DACH1: variants seen among roughly 807,000 people sequenced by gnomAD.
The protein encoded by DACH1 is dachshund family transcription factor 1, also known as dachshund homolog 1.
DACH1 carries 12 observed loss-of-function variants against 54.2 expected under a neutral mutation model. The observed-to-expected ratio is 0.22, with a 90% CI of 0.14 to 0.36. DACH1 has a LOEUF of 0.36. Among genes scored for constraint, DACH1 ranks in the 10% least tolerant of loss-of-function variants. DACH1 has a pLI of 1.00. For missense variants in DACH1, 805 were observed against 929.8 expected (o/e 0.87, Z 1.75); for synonymous variants, 386 against 366.2 (o/e 1.05, Z -0.62).
At chr13:71,483,082 G>A (rs1297125259) in intron 7 of DACH1, among the ~76,000 whole-genome samples, 2 of 151,890 alleles carry the variant, frequency 1.3e-5, no homozygotes, top group South Asian at 2.1e-4. Context: ...GGATTACAGC[G>A]TGAGACATGG....
intron 1 of DACH1, among the ~76,000 whole-genome samples, chr13:71,691,370 T>C (rs1881468667): frequency 6.6e-6 from 1 of 152,202 alleles, no homozygotes; most frequent in African/African-American, 2.4e-5. Context: ...AAATTCACTA[T>C]GTGATCTAAC....
chr13:71,590,212 A>C (rs1172958460), intron 3 of DACH1, among the ~76,000 whole-genome samples: 2 of 152,144 alleles, frequency 1.3e-5, no homozygotes, highest in Non-Finnish European at 2.9e-5. Context: ...ATATAAGCTC[A>C]CAAAAAATCA....
intron 1 of DACH1, among the ~76,000 whole-genome samples, chr13:71,765,118 G>A (rs558172492): frequency 6.6e-6 from 1 of 152,088 alleles, no homozygotes; most frequent in Non-Finnish European, 1.5e-5. Flanking sequence ...ACCAGCCCCT[G>A]ATTATTCTAC....
Position 71,460,151 on chromosome 13 carries a change from A to G in DACH1, c.2083+14990T>C, listed in dbSNP as rs115938944. On this transcript the variant is annotated intron_variant, in intron 10 of 10. Coordinates refer to ENST00000613252, the MANE Select transcript of DACH1 (RefSeq NM_080759.6). ...ATCCAAGTAGGCAATTACCTACCAA[A>G]CTAAATATTTACACATTAGTTTAGA... is the stretch of plus-strand genomic sequence containing the variant. Among the ~76,000 whole-genome samples, 1,292 of 152,190 alleles carry G rather than the reference A, an allele frequency of 8.5e-3. 23 individuals carry two copies. Among genetic ancestry groups the G allele is most frequent in the African/African-American group, 0.028 (1,180 of 41,556 alleles).
At chr13:71,810,089 C>A (rs886064450) in intron 1 of DACH1, among the ~76,000 whole-genome samples, 7 of 152,106 alleles carry the variant, frequency 4.6e-5, no homozygotes, top group Non-Finnish European at 8.8e-5. Flanking sequence ...ACCAATGTTA[C>A]CAATTTCACA....
At chr13:71,762,045 T>G (rs1157336677) in intron 1 of DACH1, among the ~76,000 whole-genome samples, 1 of 152,160 alleles carries the variant, frequency 6.6e-6, no homozygotes, top group Non-Finnish European at 1.5e-5. Context: ...ATTTTTTTCC[T>G]CACTACAACC....
At chr13:71,541,815 T>C (rs1486976710) in intron 6 of DACH1, among the ~76,000 whole-genome samples, 1 of 152,052 alleles carries the variant, frequency 6.6e-6, no homozygotes, top group Non-Finnish European at 1.5e-5. Flanking sequence ...GTTCTAAAAA[T>C]GAGTTGCAGT....
intron 10 of DACH1, among the ~76,000 whole-genome samples, chr13:71,456,293 T>C (rs1209658317): frequency 2.0e-5 from 3 of 152,092 alleles, no homozygotes; most frequent in Non-Finnish European, 4.4e-5. Context: ...TGCTGATATA[T>C]GTATATTTCA....
chr13:71,480,489 TTC>T (rs1261035307), intron 7 of DACH1, among the ~76,000 whole-genome samples: 1 of 152,212 alleles, frequency 6.6e-6, no homozygotes, highest in Non-Finnish European at 1.5e-5. Context: ...ATAAAAAGCA[TTC>T]TCTGTTTTCT....
intron 8 of DACH1, among the ~76,000 whole-genome samples, chr13:71,477,234 C>T (rs910295819): frequency 4.7e-5 from 7 of 149,952 alleles, no homozygotes; most frequent in Middle Eastern, 3.6e-3. Context: ...CATTCTCCTG[C>T]CTCAGCCTCC....
In DACH1 at chr13:71,557,031, A is replaced by T; in HGVS notation, c.1563T>A (p.Ile521=). The part of the protein sequence containing the change: ...DMGHESKRMH[I]EKDETPLSTP... ...TATATAATCATACATTACCTTTTTCAATATGCATCCTTTTTGACTCATGTC... is the reference window on the plus strand; with the variant it reads ...TATATAATCATACATTACCTTTTTCTATATGCATCCTTTTTGACTCATGTC... The change falls in exon 6 of 11, where the codon ATT becomes ATA. Residue 521 remains isoleucine (I), a synonymous_variant. Transcript: ENST00000613252. 5 of 1,597,174 alleles carry T rather than the reference A, an allele frequency of 3.1e-6. No individual in the cohort carries two copies. The highest frequency in any genetic ancestry group is 4.3e-6 in the Non-Finnish European group (5 of 1,174,110).
intron 1 of DACH1, among the ~76,000 whole-genome samples, chr13:71,779,185 ATACG>A (rs1886219416): frequency 1.6e-5 from 2 of 128,268 alleles, no homozygotes; most frequent in East Asian, 2.1e-4. Flanking sequence ...ATACACATAT[ATACG>A]TATATACGTA....
intron 3 of DACH1, among the ~76,000 whole-genome samples, chr13:71,623,264 T>G (rs756733581): frequency 6.6e-6 from 1 of 151,720 alleles, no homozygotes; most frequent in Non-Finnish European, 1.5e-5. Context: ...TGCAGAATAA[T>G]GCTATCCAAT....
chr13:71,657,198 T>G (rs1437040002), intron 2 of DACH1, among the ~76,000 whole-genome samples: 1 of 151,812 alleles, frequency 6.6e-6, no homozygotes, highest in Non-Finnish European at 1.5e-5. Context: ...GAAAATAAAT[T>G]ACAGTATATA....
chr13:71,495,192 C>T (rs368884106), intron 6 of DACH1, among the ~76,000 whole-genome samples: 318 of 152,010 alleles, frequency 2.1e-3, no homozygotes, highest in African/African-American at 7.4e-3. Flanking sequence ...TTATTCATTT[C>T]GAGTTGAAGT....
At chr13:71,466,643 G>T (rs181957397) in intron 10 of DACH1, among the ~76,000 whole-genome samples, 1 of 152,190 alleles carries the variant, frequency 6.6e-6, no homozygotes, top group African/African-American at 2.4e-5. Context: ...AGGAGTTCGA[G>T]ATCAGCCTGA....
chr13:71,795,667 C>CA (rs1339035579), intron 1 of DACH1, among the ~76,000 whole-genome samples: 1 of 152,002 alleles, frequency 6.6e-6, no homozygotes, highest in Non-Finnish European at 1.5e-5. Flanking sequence ...AGCAAACAAA[C>CA]AAAAAACAAA....
chr13:71,791,441 C>T (rs1166681596), intron 1 of DACH1, among the ~76,000 whole-genome samples: 2 of 152,046 alleles, frequency 1.3e-5, no homozygotes, highest in African/African-American at 2.4e-5. Context: ...AGTGCAGTGG[C>T]GCTATCTTGG....
chr13:71,546,658 T>A (rs1883486548), intron 6 of DACH1, among the ~76,000 whole-genome samples: 2 of 151,944 alleles, frequency 1.3e-5, no homozygotes, highest in South Asian at 4.1e-4. Flanking sequence ...TTCAATGAAC[T>A]ATCAAGGCTA....
Sources: allele counts gnomAD v4.1 joint callset (sites outside exome capture counted in the v4.1 genomes callset), GRCh38; gene constraint gnomAD v4.1.1; transcripts MANE v1.5; gene names NCBI Gene and HGNC (gene_info 2026-07-23, HGNC 2026-07-21).